BICRA: variants seen among roughly 807,000 people sequenced by gnomAD.
The protein encoded by BICRA is BRD4 interacting chromatin remodeling complex associated protein.
Under a neutral mutation model 96.9 loss-of-function variants are expected in BICRA, and 31 were observed. The observed-to-expected ratio is 0.32, with a 90% CI of 0.24 to 0.43. The LOEUF (loss-of-function observed/expected upper bound fraction) is 0.43, where lower values mean the gene tolerates loss of function less well. BICRA is among the 20% of genes least tolerant of loss of function. BICRA has a pLI of 1.00. For missense variants in BICRA, 2,283 were observed against 2,190.3 expected (o/e 1.04, Z -0.84); for synonymous variants, 1,350 against 1,071.8 (o/e 1.26, Z -5.07).
intron 7 of BICRA, among the ~76,000 whole-genome samples, chr19:47,693,077 C>T (rs1053554451): frequency 1.3e-5 from 2 of 152,216 alleles, no homozygotes; most frequent in African/African-American, 2.4e-5. Context: ...CAAATGGATG[C>T]GGGAGGCCGG....
upstream of BICRA, among the ~76,000 whole-genome samples, chr19:47,608,690 C>T (rs977293625): frequency 4.6e-5 from 7 of 151,662 alleles, no homozygotes; most frequent in East Asian, 1.4e-3. Flanking sequence ...GCGGGGGCGG[C>T]GCCGGCGCGG....
intron 1 of BICRA, chr19:47,615,941 T>C (rs1184051228): frequency 2.0e-5 from 3 of 152,356 alleles, no homozygotes; most frequent in African/African-American, 4.8e-5. Context: ...GATGCTGCTG[T>C]TGTTTTCACT....
intron 1 of BICRA, among the ~76,000 whole-genome samples, chr19:47,634,929 A>G (rs1972277405): frequency 6.6e-6 from 1 of 151,574 alleles, no homozygotes; most frequent in Admixed American, 6.6e-5. Context: ...TGCCTGGTTA[A>G]TTTTTTGTAT....
At chr19:47,665,981 C>T (rs1463508850) in intron 1 of BICRA, among the ~76,000 whole-genome samples, 1 of 152,224 alleles carries the variant, frequency 6.6e-6, no homozygotes, top group Non-Finnish European at 1.5e-5. Flanking sequence ...CTGGGAGTCG[C>T]CCCATTAGAT....
At chr19:47,617,870 T>G (rs1358816356) in intron 1 of BICRA, among the ~76,000 whole-genome samples, 1 of 152,106 alleles carries the variant, frequency 6.6e-6, no homozygotes, top group Non-Finnish European at 1.5e-5. Context: ...ATCATTTCCA[T>G]TGTATTATTA....
intron 1 of BICRA, among the ~76,000 whole-genome samples, chr19:47,636,513 G>A (rs939226271): frequency 6.6e-6 from 1 of 152,106 alleles, no homozygotes; most frequent in South Asian, 2.1e-4. Context: ...CGCCCAGCCT[G>A]TATTATTAAT....
Position 47,693,201 on chromosome 19 carries a change from G to A in BICRA, c.2284-914G>A, listed in dbSNP as rs142921039. Reference sequence around the variant, plus strand: ...AGCTGGTGCCCACTGGTTACACAGTGGCTGCTCTGGTTATGATTCTTTGGG... The same window carrying A: ...AGCTGGTGCCCACTGGTTACACAGTAGCTGCTCTGGTTATGATTCTTTGGG... On this transcript the variant is annotated intron_variant, in intron 7 of 14. Transcript: ENST00000594866. Among the ~76,000 whole-genome samples, 77 of 152,368 alleles carry A rather than the reference G, an allele frequency of 5.1e-4. No homozygotes were observed. The East Asian group carries it at 0.014, about 28-fold the overall frequency.
chr19:47,634,802 A>G (rs931386853), intron 1 of BICRA, among the ~76,000 whole-genome samples: 4 of 133,440 alleles, frequency 3.0e-5, no homozygotes, highest in Non-Finnish European at 4.6e-5. Flanking sequence ...TCGCTCTGTC[A>G]CCCAGGCTGG....
At chr19:47,652,043 TG>T (rs1309122834) in intron 1 of BICRA, among the ~76,000 whole-genome samples, 1 of 152,216 alleles carries the variant, frequency 6.6e-6, no homozygotes, top group African/African-American at 2.4e-5. Context: ...TGCCAGGTCC[TG>T]GGCAGATGTC....
rs2123616578 is a variant in BICRA, at chr19:47,701,503, T to C, written c.3771T>C (p.Pro1257=). Residue 1257 remains proline (P), a synonymous_variant, in exon 15 of 15, where the codon CCT becomes CCC. Coordinates refer to ENST00000594866, the MANE Select transcript of BICRA (RefSeq NM_001394372.1). This position sits in a 1 kb window ranked among gnomAD's most constrained non-coding sequence, Gnocchi z 5.4. ...GGCACGGCGGGGCAGGCGGCTCCCC[T>C]TCGGTCACCTGGGCCCGGGCGTCCT... The part of the protein sequence containing the change: ...VIRHGGAGGS[P]SVTWARASSS... 1 of 1,546,576 alleles carries C rather than the reference T, an allele frequency of 6.5e-7. No homozygotes were observed.
intron 7 of BICRA, among the ~76,000 whole-genome samples, chr19:47,691,404 T>C (rs1300810064): frequency 6.6e-6 from 1 of 152,142 alleles, no homozygotes; most frequent in African/African-American, 2.4e-5. Context: ...GAGGTGAGGA[T>C]TGTTGGTGGC....
In BICRA at chr19:47,698,712, C is replaced by G. The variant is rs755965607; in HGVS notation, c.3327C>G (p.Asp1109Glu). 8.1e-6 allele frequency: 13 copies of G among 1,602,646 alleles called. No individual in the cohort carries two copies. The highest frequency in any genetic ancestry group is 1.1e-5 in the Non-Finnish European group (13 of 1,169,790). Residue 1109 changes from aspartate (D) to glutamate (E), a missense_variant, in exon 12 of 15, where the codon GAC (aspartate) becomes GAG (glutamate). Coordinates refer to ENST00000594866, the MANE Select transcript of BICRA (RefSeq NM_001394372.1). The surrounding 1 kb of genome is among the most constrained non-coding windows in gnomAD (Gnocchi z 4.8). ...DYKTAFPSFE[D>E]ALHRLLPYHV... ...AGACGGCCTTCCCCTCCTTTGAGGA[C>G]GCCCTGCATCGCCTCCTGCCCTACC... is the stretch of plus-strand genomic sequence containing the variant.
In BICRA at chr19:47,703,143, C is replaced by G. The variant is rs1973499304; in HGVS notation, c.*728C>G. On this transcript the variant is annotated 3_prime_UTR_variant, in exon 15 of 15. Coordinates refer to ENST00000594866, the MANE Select transcript of BICRA (RefSeq NM_001394372.1). ...AGCCGCCCGCGCCAGATTTTGAAAT[C>G]TCGGAGACAAAACTAGTACTGTAAG... The G allele has an allele frequency of 6.5e-6, 1 of 152,832 alleles. No homozygotes were observed. Among genetic ancestry groups the G allele is most frequent in the Non-Finnish European group, 1.5e-5 (1 of 68,178 alleles). The allele number at this position is 152,832 out of a possible 1,614,324, so 9.5% of individuals were successfully genotyped here.
intron 1 of BICRA, among the ~76,000 whole-genome samples, chr19:47,616,273 A>G (rs1283681360): frequency 1.3e-5 from 2 of 152,218 alleles, no homozygotes; most frequent in African/African-American, 4.8e-5. Flanking sequence ...AGAGTCTCCC[A>G]TAGGATTAGA....
At position 47,636,133 on chromosome 19, in the gene BICRA, A is replaced by G. The variant is rs143624983; in HGVS notation, c.-108+26965A>G. Among the ~76,000 whole-genome samples, 61 of 152,328 alleles carry G rather than the reference A, an allele frequency of 4.0e-4. 1 individual carries two copies. In the East Asian group the frequency reaches 0.012, roughly 29 times the overall value. ...AAGACAGCTCATTATGTATATGCAA[A>G]TATTTCAAAACTCCTACAAAATCTG... On this transcript the variant is annotated intron_variant, in intron 1 of 14. Coordinates refer to ENST00000594866, the MANE Select transcript of BICRA (RefSeq NM_001394372.1).
intron 1 of BICRA, among the ~76,000 whole-genome samples, chr19:47,647,771 A>T (rs1252911567): frequency 6.6e-6 from 1 of 152,018 alleles, no homozygotes; most frequent in Non-Finnish European, 1.5e-5. Flanking sequence ...GCCTGTGACC[A>T]AGATGTCCGC....
rs141546254 is a variant in BICRA at position 47,614,402 on chromosome 19, C to T, written c.-108+5234C>T. Among the ~76,000 whole-genome samples the T allele has an allele frequency of 7.6e-3, 1,151 of 151,908 alleles. 7 individuals are homozygous for T. Among genetic ancestry groups the T allele is most frequent in the Middle Eastern group, 0.014 (4 of 294 alleles). ...GAGGCTGAAGTGGGCAGATCACCTG[C>T]GGTCAGGAGTTCAAGACCAGCCTGG... On this transcript the variant is annotated intron_variant, in intron 1 of 14. Transcript: ENST00000594866.
At chr19:47,619,233 C>CT (rs58149355) in intron 1 of BICRA, among the ~76,000 whole-genome samples, 116,837 of 136,266 alleles carry the variant, frequency 0.86, 50,241 homozygotes, top group Admixed American at 0.88. Context: ...TTCCCAACCC[C>CT]TTTTTTTTTT....
intron 2 of BICRA, among the ~76,000 whole-genome samples, chr19:47,670,872 G>A (rs114725736): frequency 4.6e-5 from 7 of 152,158 alleles, no homozygotes; most frequent in Non-Finnish European, 7.4e-5. Flanking sequence ...GGTGACACAG[G>A]GGGAGGAAGC....
Sources: gnomAD v4.1 joint callset for allele counts (sites outside exome capture counted in the v4.1 genomes callset) on GRCh38, gnomAD v4.1.1 for gene constraint, Gnocchi (gnomAD v3.1) non-coding constraint, MANE v1.5 for transcripts, NCBI Gene and HGNC (gene_info 2026-07-23, HGNC 2026-07-21) for gene names.